PDE12: variants seen among roughly 807,000 people sequenced by gnomAD.
PDE12 encodes phosphodiesterase 12.
A neutral mutation model predicts 45.4 loss-of-function variants in PDE12; 26 were observed. That is an observed-to-expected ratio of 0.57 (90% CI 0.42 to 0.79). The LOEUF is 0.79. Ranked by LOEUF, PDE12 falls within the 30% of genes least tolerant of loss-of-function variation. PDE12 has a pLI of 0.00. For missense variants in PDE12, 668 were observed against 790.0 expected (o/e 0.85, Z 1.85); for synonymous variants, 283 against 323.9 (o/e 0.87, Z 1.36).
chr3:57,644,782 AGGGGT>A, the PDE12 span, among the ~76,000 whole-genome samples: 2 of 2,322 alleles, frequency 8.6e-4, no homozygotes, highest in African/African-American at 2.7e-3. Context: ...AGGGGAGGGG[AGGGGT>A]GGGGAGGGGA....
the PDE12 span, among the ~76,000 whole-genome samples, chr3:57,621,233 A>G: frequency 6.6e-5 from 10 of 152,240 alleles, no homozygotes; most frequent in African/African-American, 2.2e-4. Flanking sequence ...GGAAATAATA[A>G]TAATAACCTT....
At chr3:57,643,500 G>A in the PDE12 span, among the ~76,000 whole-genome samples, 1 of 152,060 alleles carries the variant, frequency 6.6e-6, no homozygotes, top group African/African-American at 2.4e-5. Flanking sequence ...TCATTAACAT[G>A]GGGTATTAAC....
At chr3:57,598,440 A>AC in the PDE12 span, among the ~76,000 whole-genome samples, 27 of 152,162 alleles carry the variant, frequency 1.8e-4, no homozygotes, top group Middle Eastern at 3.4e-3. Context: ...TACCTTATCT[A>AC]CCCTTCAGAG....
At chr3:57,620,139 T>C in the PDE12 span, among the ~76,000 whole-genome samples, 7 of 152,048 alleles carry the variant, frequency 4.6e-5, no homozygotes, top group Admixed American at 4.6e-4. Context: ...GGAGAATCAC[T>C]TGAACCTGGG....
the PDE12 span, among the ~76,000 whole-genome samples, chr3:57,622,973 G>C: frequency 6.6e-6 from 1 of 152,146 alleles, no homozygotes; most frequent in Non-Finnish European, 1.5e-5. Flanking sequence ...AGGAAATTTT[G>C]GGGGTGATGA....
At chr3:57,631,969 G>A in the PDE12 span, among the ~76,000 whole-genome samples, 692 of 144,912 alleles carry the variant, frequency 4.8e-3, 5 homozygotes, top group African/African-American at 0.015. Context: ...TGATCCGCCC[G>A]CCTCGGCCTC....
At chr3:57,635,710 T>A in the PDE12 span, among the ~76,000 whole-genome samples, 1 of 152,220 alleles carries the variant, frequency 6.6e-6, no homozygotes, top group Non-Finnish European at 1.5e-5. Flanking sequence ...CAATCTTATA[T>A]TGCTAAAAAA....
chr3:57,577,424 A>C, the PDE12 span: 3 of 1,521,168 alleles, frequency 2.0e-6, no homozygotes, highest in Non-Finnish European at 1.8e-6. Flanking sequence ...TTAACAGTTA[A>C]ACGACACTCT....
chr3:57,597,352 C>A, the PDE12 span: 1 of 490,998 alleles, frequency 2.0e-6, no homozygotes, highest in East Asian at 3.7e-5. Context: ...ACTGGCGCGG[C>A]AGCTCCGGCT....
chr3:57,614,508 T>G, the PDE12 span, among the ~76,000 whole-genome samples: 1 of 149,544 alleles, frequency 6.7e-6, no homozygotes, highest in African/African-American at 2.4e-5. Flanking sequence ...ACACGGTGGC[T>G]CACGCCTGTA....
chr3:57,632,346 G>A, the PDE12 span, among the ~76,000 whole-genome samples: 1 of 151,182 alleles, frequency 6.6e-6, no homozygotes, highest in Non-Finnish European at 1.5e-5. Flanking sequence ...TTTTTTAAGA[G>A]AGTCTTGCTG....
At chr3:57,596,706 C>T in the PDE12 span, 1 of 235,024 alleles carries the variant, frequency 4.3e-6, no homozygotes. Context: ...TGTCCACACC[C>T]GGGCAAGAAG....
chr3:57,583,985 T>G, the PDE12 span: 2 of 1,611,724 alleles, frequency 1.2e-6, no homozygotes, highest in Admixed American at 1.7e-5. Context: ...TGTTCTTATA[T>G]TCTACTGTTT....
chr3:57,583,754 T>A, the PDE12 span: 2 of 649,698 alleles, frequency 3.1e-6, no homozygotes, highest in South Asian at 1.9e-5. Flanking sequence ...TAAGTGAGAG[T>A]CCACTGAAGA....
downstream of PDE12, among the ~76,000 whole-genome samples, chr3:57,571,093 T>G (rs1437227799): frequency 6.6e-6 from 1 of 152,062 alleles, no homozygotes; most frequent in Non-Finnish European, 1.5e-5. Flanking sequence ...CCCTCCTGCC[T>G]CAACCTCCTA....
At chr3:57,596,831 G>T in the PDE12 span, 1 of 510,424 alleles carries the variant, frequency 2.0e-6, no homozygotes, top group Non-Finnish European at 3.5e-6. Flanking sequence ...AGGAGAAAAA[G>T]CCGAGTCCAG....
chr3:57,596,512 GC>G, the PDE12 span: 4 of 152,282 alleles, frequency 2.6e-5, no homozygotes, highest in Admixed American at 6.5e-5. Flanking sequence ...CAAAGTGAGC[GC>G]TGAAGGACTC....
the PDE12 span, among the ~76,000 whole-genome samples, chr3:57,629,745 AT>A: frequency 6.7e-6 from 1 of 148,764 alleles, no homozygotes; most frequent in Non-Finnish European, 1.5e-5. Flanking sequence ...GATGGTCTCC[AT>A]CTCCTGACCT....
At chr3:57,618,311 G>T in the PDE12 span, among the ~76,000 whole-genome samples, 2 of 152,018 alleles carry the variant, frequency 1.3e-5, no homozygotes, top group African/African-American at 4.8e-5. Context: ...TGATAAATGA[G>T]GTTAATAACA....
Sources: gnomAD v4.1 joint callset for allele counts (sites outside exome capture counted in the v4.1 genomes callset) on GRCh38, gnomAD v4.1.1 for gene constraint, MANE v1.5 for transcripts, NCBI Gene and HGNC (gene_info 2026-07-23, HGNC 2026-07-21) for gene names.